The following STXBP5L variants were observed in gnomAD, a reference collection of about 807,000 sequenced individuals.
The protein encoded by STXBP5L is syntaxin binding protein 5L.
Under a neutral mutation model 144.5 loss-of-function variants are expected in STXBP5L, and 65 were observed. The observed-to-expected ratio is 0.45, with a 90% confidence interval of 0.37 to 0.55. STXBP5L has a LOEUF of 0.55. Ranked by LOEUF, STXBP5L falls within the 20% of genes least tolerant of loss-of-function variation. The pLI, the probability that STXBP5L is intolerant of heterozygous loss-of-function variation, is 0.00. For synonymous variants in STXBP5L, 505 were observed against 469.6 expected, an observed-to-expected ratio of 1.08 and a Z score of -0.97; for missense variants, 1,298 against 1,405.5, an observed-to-expected ratio of 0.92 and a Z score of 1.22.
intron 3 of STXBP5L, among the ~76,000 whole-genome samples, chr3:120,982,738 A>G (rs922025863): frequency 6.6e-6 from 1 of 152,108 alleles, no homozygotes; most frequent in Non-Finnish European, 1.5e-5. Context: ...GCCAGCTGTG[A>G]TGTTGTCAGC....
At chr3:121,366,687 T>A (rs1300887025) in intron 20 of STXBP5L, among the ~76,000 whole-genome samples, 1 of 152,114 alleles carries the variant, frequency 6.6e-6, no homozygotes, top group Non-Finnish European at 1.5e-5. Flanking sequence ...TGTGTTTTTA[T>A]CCTTTCAGTC....
chr3:121,147,270 A>T (rs1349195202), intron 7 of STXBP5L, among the ~76,000 whole-genome samples: 1 of 152,168 alleles, frequency 6.6e-6, no homozygotes, highest in Non-Finnish European at 1.5e-5. Context: ...TTCTCTAACC[A>T]CAAGAGAATT....
chr3:121,367,595 GTTTTTTTTTTTTTT>G (rs57288480), intron 20 of STXBP5L, among the ~76,000 whole-genome samples: 3 of 51,336 alleles, frequency 5.8e-5, no homozygotes, highest in Non-Finnish European at 1.1e-4. Context: ...TTCGACTCTT[GTTTTTTTTTTTTTT>G]TTTTTTTTTT....
intron 7 of STXBP5L, among the ~76,000 whole-genome samples, chr3:121,132,035 C>G (rs1043674404): frequency 2.0e-5 from 3 of 152,148 alleles, no homozygotes; most frequent in Admixed American, 6.6e-5. Context: ...GAACTTTGTT[C>G]ATGTGTTTAG....
In STXBP5L at chr3:121,421,960, G is replaced by A. The variant is rs1237939023; in HGVS notation, c.*2863G>A. On this transcript the variant is annotated 3_prime_UTR_variant, in exon 27 of 27. Transcript: ENST00000471454. Reference sequence around the variant, plus strand: ...ACTTCATCTCACAAACTCCTGGTTAGTGGAATCCAAATTAATGAGGTTTTA... The same window carrying A: ...ACTTCATCTCACAAACTCCTGGTTAATGGAATCCAAATTAATGAGGTTTTA... The A allele has an allele frequency of 6.6e-6, 1 of 152,160 alleles. No homozygotes were observed. The highest frequency in any genetic ancestry group is 2.4e-5 in the African/African-American group (1 of 41,442). The allele number at this position is 152,160 out of a possible 1,614,324, so 9.4% of individuals were successfully genotyped here. A position where few individuals can be genotyped will look rare whatever the true frequency, so the allele number is the denominator to read the frequency against.
intron 2 of STXBP5L, among the ~76,000 whole-genome samples, chr3:120,931,095 T>C (rs1274097350): frequency 1.3e-5 from 2 of 151,122 alleles, no homozygotes; most frequent in African/African-American, 2.4e-5. Flanking sequence ...TTGGGTTTTC[T>C]CTTTTTTTTT....
intron 19 of STXBP5L, among the ~76,000 whole-genome samples, chr3:121,292,191 A>G (rs2051464376): frequency 6.6e-6 from 1 of 152,190 alleles, no homozygotes; most frequent in Non-Finnish European, 1.5e-5. Context: ...AACTCAAATC[A>G]GCCAGAAAAA....
intron 3 of STXBP5L, among the ~76,000 whole-genome samples, chr3:121,034,851 G>T (rs1291397906): frequency 6.6e-6 from 1 of 152,120 alleles, no homozygotes; most frequent in Non-Finnish European, 1.5e-5. Context: ...CAATGTGTAA[G>T]TGTTCCCTTT....
chr3:121,408,905 A>T (rs1192874261), intron 23 of STXBP5L, among the ~76,000 whole-genome samples: 3 of 151,952 alleles, frequency 2.0e-5, no homozygotes, highest in African/African-American at 7.2e-5. Context: ...AAGGTTAAAA[A>T]TTTTTTTGAA....
At chr3:121,021,896 CAGA>C (rs1413137484) in intron 3 of STXBP5L, among the ~76,000 whole-genome samples, 1 of 152,006 alleles carries the variant, frequency 6.6e-6, no homozygotes, top group African/African-American at 2.4e-5. Flanking sequence ...CCAAACCCAG[CAGA>C]AGAAAAGTCA....
intron 7 of STXBP5L, among the ~76,000 whole-genome samples, chr3:121,138,178 TA>T (rs538311548): frequency 1.3e-5 from 2 of 151,972 alleles, no homozygotes; most frequent in South Asian, 4.1e-4. Context: ...CCATATCCAT[TA>T]AAAAAACTGG....
intron 20 of STXBP5L, among the ~76,000 whole-genome samples, chr3:121,363,489 G>T (rs1169168098): frequency 6.6e-6 from 1 of 152,132 alleles, no homozygotes. Context: ...TCTGTGGATG[G>T]ACATCAGCTG....
At chr3:121,005,845 C>T (rs966434156) in intron 3 of STXBP5L, among the ~76,000 whole-genome samples, 8 of 152,136 alleles carry the variant, frequency 5.3e-5, no homozygotes, top group African/African-American at 1.9e-4. Flanking sequence ...GTTCAGTTTC[C>T]ATGTAGTTGA....
intron 3 of STXBP5L, among the ~76,000 whole-genome samples, chr3:120,997,747 G>C (rs1943464025): frequency 6.6e-6 from 1 of 152,070 alleles, no homozygotes; most frequent in South Asian, 2.1e-4. Context: ...TCTGTTGATA[G>C]TTTCCTGTGC....
intron 9 of STXBP5L, among the ~76,000 whole-genome samples, chr3:121,172,791 A>G (rs1003129309): frequency 2.0e-5 from 3 of 152,246 alleles, no homozygotes; most frequent in Non-Finnish European, 4.4e-5. Context: ...AAGGATCTAG[A>G]ACTAGAAATA....
At chr3:121,364,229 G>A (rs143171966) in intron 20 of STXBP5L, among the ~76,000 whole-genome samples, 2 of 152,052 alleles carry the variant, frequency 1.3e-5, no homozygotes, top group Admixed American at 6.5e-5. Context: ...TAACTCAATG[G>A]GCTCAGTATC....
intron 14 of STXBP5L, among the ~76,000 whole-genome samples, chr3:121,243,739 C>T (rs1210759888): frequency 2.6e-5 from 4 of 152,020 alleles, no homozygotes; most frequent in Admixed American, 6.6e-5. Flanking sequence ...TTATAGCATT[C>T]TGGTTTTAGT....
intron 2 of STXBP5L, among the ~76,000 whole-genome samples, chr3:120,935,515 T>C (rs769039653): frequency 2.7e-4 from 41 of 152,090 alleles, no homozygotes; most frequent in Non-Finnish European, 5.2e-4. Context: ...TTTTCCTTCT[T>C]TCTGAAGAAT....
chr3:121,052,205 G>C (rs1200157453), intron 5 of STXBP5L, among the ~76,000 whole-genome samples: 1 of 152,152 alleles, frequency 6.6e-6, no homozygotes, highest in African/African-American at 2.4e-5. Context: ...AATAGAAAAA[G>C]AGGGAATCCT....
Sources: gnomAD v4.1 joint callset for allele counts (sites outside exome capture counted in the v4.1 genomes callset) on GRCh38, gnomAD v4.1.1 for gene constraint, MANE v1.5 for transcripts, NCBI Gene and HGNC (gene_info 2026-07-23, HGNC 2026-07-21) for gene names.